ATP8A2: variants seen among roughly 807,000 people sequenced by gnomAD.
ATP8A2 encodes phospholipid-transporting ATPase IB.
Under a neutral mutation model 165.6 loss-of-function variants are expected in ATP8A2, and 100 were observed. That is an observed-to-expected ratio of 0.60 (90% CI 0.51 to 0.71). The LOEUF is 0.71. Among genes scored for constraint, ATP8A2 ranks in the 30% least tolerant of loss-of-function variants. The pLI is 0.00. For synonymous variants in ATP8A2, 543 were observed against 548.8 expected (o/e 0.99, Z 0.15); for missense variants, 1,227 against 1,479.5 (o/e 0.83, Z 2.80).
At chr13:25,560,230 A>C (rs1174292767) in intron 15 of ATP8A2, among the ~76,000 whole-genome samples, 1 of 152,174 alleles carries the variant, frequency 6.6e-6, no homozygotes, top group Non-Finnish European at 1.5e-5. Context: ...TTAAGGATGA[A>C]CATGGCTTTA....
At chr13:25,571,877 T>G in intron 18 of ATP8A2, 185 bp downstream of exon 18, 1 of 647,026 alleles carries the variant, frequency 1.5e-6, no homozygotes, top group South Asian at 1.8e-5. Flanking sequence ...TGCAGTATTG[T>G]TTTCCCCTTC....
intron 25 of ATP8A2, among the ~76,000 whole-genome samples, chr13:25,745,097 C>T (rs531451499): frequency 6.4e-4 from 97 of 152,202 alleles, no homozygotes; most frequent in African/African-American, 2.3e-3. Flanking sequence ...CCTGCCACCA[C>T]GCCCAGCTAA....
intron 1 of ATP8A2, among the ~76,000 whole-genome samples, chr13:25,442,321 T>C (rs1341819688): frequency 6.6e-6 from 1 of 152,232 alleles, no homozygotes; most frequent in Non-Finnish European, 1.5e-5. Flanking sequence ...GGAACTGCCA[T>C]ACTGTTTTCC....
At chr13:25,669,022 C>CA (rs1371191860) in intron 24 of ATP8A2, among the ~76,000 whole-genome samples, 1 of 152,042 alleles carries the variant, frequency 6.6e-6, no homozygotes, top group Non-Finnish European at 1.5e-5. Flanking sequence ...CTAGTAAGCC[C>CA]AGTGTTTGAG....
chr13:25,685,612 A>G lies in ATP8A2; in HGVS notation c.2212-13561A>G, dbSNP rs533771455. Among the ~76,000 whole-genome samples, 16 of 152,326 alleles carry G rather than the reference A, an allele frequency of 1.1e-4. No homozygotes were observed. In the South Asian group the frequency reaches 3.3e-3, roughly 32 times the overall value. ...CAGGAGGGCCTCCCTAAGAAGCCACATTGAGGTGGGGTGAGCTGCATGGAA... is the reference window on the plus strand; with the variant it reads ...CAGGAGGGCCTCCCTAAGAAGCCACGTTGAGGTGGGGTGAGCTGCATGGAA... On this transcript the variant is annotated intron_variant, in intron 24 of 36. Coordinates refer to ENST00000381655, the MANE Select transcript of ATP8A2 (RefSeq NM_016529.6).
chr13:25,473,264 G>C lies in ATP8A2; in HGVS notation c.221+4143G>C, dbSNP rs2137541031. 1.3e-5 allele frequency among the ~76,000 whole-genome samples: 2 copies of C among 152,294 alleles called. 1 individual carries two copies. The highest frequency in any genetic ancestry group is 6.8e-3 in the Middle Eastern group (2 of 294). ...ACCACCAGTGTTTGATCTGAAGTCT[G>C]TGGTAGGTTTATTAAGTTTTTCATT... On this transcript the variant is annotated intron_variant, in intron 2 of 36. Coordinates refer to ENST00000381655, the MANE Select transcript of ATP8A2 (RefSeq NM_016529.6).
intron 27 of ATP8A2, among the ~76,000 whole-genome samples, chr13:25,793,589 T>G (rs2045238808): frequency 6.6e-6 from 1 of 152,258 alleles, no homozygotes; most frequent in African/African-American, 2.4e-5. Flanking sequence ...TATATGTGTA[T>G]AATTGTATGT....
intron 33 of ATP8A2, among the ~76,000 whole-genome samples, chr13:25,931,517 C>A (rs1156843987): frequency 6.6e-6 from 1 of 152,118 alleles, no homozygotes; most frequent in Non-Finnish European, 1.5e-5. Flanking sequence ...CTGGTGTCAT[C>A]CCCCACCCCC....
In ATP8A2 at chr13:25,570,886, C is replaced by T; in HGVS notation, c.1579+14C>T. 3 of 1,587,464 alleles carry T rather than the reference C, an allele frequency of 1.9e-6. No homozygotes were observed. Among genetic ancestry groups the T allele is most frequent in the East Asian group, 2.2e-5 (1 of 44,678 alleles). On this transcript the variant is annotated intron_variant, in intron 17 of 36. Transcript: ENST00000381655. ...CCTCTTCCCCAGGTGAGGGCTCTGG[C>T]CGGATGCGCCCTGCTGGCCCCTTCT... is the stretch of plus-strand genomic sequence containing the variant.
chr13:25,813,382 T>TATATGATATGATATGATATGATATG (rs57194469), intron 27 of ATP8A2, among the ~76,000 whole-genome samples: 15 of 147,224 alleles, frequency 1.0e-4, no homozygotes, highest in South Asian at 2.3e-4. Flanking sequence ...AGGATGATGA[T>TATATGATATGATATGATATGATATG]ATATGATATG....
intron 29 of ATP8A2, 138 bp downstream of exon 29, chr13:25,837,423 C>CCACACACA (rs72194516): frequency 4.8e-5 from 15 of 311,594 alleles, no homozygotes; most frequent in African/African-American, 3.1e-4. Context: ...CACCCCACCA[C>CCACACACA]CACACACACA....
intron 24 of ATP8A2, among the ~76,000 whole-genome samples, chr13:25,602,609 T>G (rs1421055275): frequency 2.6e-5 from 4 of 152,328 alleles, no homozygotes; most frequent in African/African-American, 4.8e-5. Context: ...CAAAGGCCGA[T>G]GCTCCCCACT....
At chr13:25,650,974 T>C (rs1186952764) in intron 24 of ATP8A2, among the ~76,000 whole-genome samples, 1 of 152,206 alleles carries the variant, frequency 6.6e-6, no homozygotes, top group Non-Finnish European at 1.5e-5. Context: ...CTTATTGGAT[T>C]ATGGTACCAC....
intron 2 of ATP8A2, among the ~76,000 whole-genome samples, chr13:25,512,131 T>G (rs966367527): frequency 6.6e-6 from 1 of 151,510 alleles, no homozygotes; most frequent in Admixed American, 6.6e-5. Flanking sequence ...ACAAAGCACA[T>G]CTTGCACCGC....
intron 27 of ATP8A2, among the ~76,000 whole-genome samples, chr13:25,801,713 A>G (rs753976639): frequency 6.6e-6 from 1 of 152,180 alleles, no homozygotes; most frequent in African/African-American, 2.4e-5. Context: ...TATGATATAC[A>G]TGGTGTATTA....
At chr13:25,788,326 T>G (rs2045083050) in intron 27 of ATP8A2, among the ~76,000 whole-genome samples, 1 of 152,228 alleles carries the variant, frequency 6.6e-6, no homozygotes, top group African/African-American at 2.4e-5. Context: ...GACCATACAA[T>G]TATGGCATTG....
intron 24 of ATP8A2, among the ~76,000 whole-genome samples, chr13:25,625,193 A>G (rs958007218): frequency 2.6e-5 from 4 of 152,182 alleles, no homozygotes; most frequent in African/African-American, 9.6e-5. Context: ...GAGGAGTGAC[A>G]CTCAAGTTTG....
At chr13:25,569,620 CATTGAAAGTTTATAT>C (rs1320121374) in intron 16 of ATP8A2, among the ~76,000 whole-genome samples, 3 of 152,156 alleles carry the variant, frequency 2.0e-5, no homozygotes, top group African/African-American at 7.2e-5. Context: ...GACAGGTGAA[CATTGAAAGTTTATAT>C]ATTGGGAGGA....
rs1173696127 is a variant in ATP8A2, at chr13:26,021,385, A to C, written c.*1400A>C. Reference sequence around the variant, plus strand: ...AATTGAAAAGAATTCCAAACATTTCAGGGAAACACCTTTTTAAAAAATATA... The same window carrying C: ...AATTGAAAAGAATTCCAAACATTTCCGGGAAACACCTTTTTAAAAAATATA... On this transcript the variant is annotated 3_prime_UTR_variant, in exon 37 of 37. Transcript: ENST00000381655. 6.6e-6 allele frequency: 1 copy of C among 152,270 alleles called. No individual in the cohort carries two copies. Among genetic ancestry groups the C allele is most frequent in the African/African-American group, 2.4e-5 (1 of 41,468 alleles). The allele number at this position is 152,270 out of a possible 1,614,324, so 9.4% of individuals were successfully genotyped here.
Sources: allele counts gnomAD v4.1 joint callset (sites outside exome capture counted in the v4.1 genomes callset), GRCh38; gene constraint gnomAD v4.1.1; transcripts MANE v1.5; gene names NCBI Gene and HGNC (gene_info 2026-07-23, HGNC 2026-07-21).